SCN2A: variants seen among roughly 807,000 people sequenced by gnomAD.
The protein encoded by SCN2A is sodium channel protein type 2 subunit alpha.
A neutral mutation model predicts 188.7 loss-of-function variants in SCN2A; 20 were observed. The ratio of observed to expected loss-of-function variants is 0.11; its 90% CI spans 0.07 to 0.15. The LOEUF is 0.15. Ranked by LOEUF, SCN2A falls within the 10% of genes least tolerant of loss-of-function variation. The probability of loss-of-function intolerance (pLI) is 1.00; values close to 1 mark genes in which losing one functional copy is unlikely to be tolerated. For missense variants in SCN2A, 1,278 were observed against 2,445.0 expected, an observed-to-expected ratio of 0.52 and a Z score of 10.07; for synonymous variants, 804 against 833.1, an observed-to-expected ratio of 0.97 and a Z score of 0.60.
At chr2:165,290,815 G>C in intron 1 of SCN2A, 1 of 982,542 alleles carries the variant, frequency 1.0e-6, no homozygotes, top group South Asian at 4.7e-5. Flanking sequence ...AGTATACATG[G>C]AAGTTGGTAC....
chr2:165,265,476 T>TAA (rs1694806999), intron 1 of SCN2A, among the ~76,000 whole-genome samples: 1 of 74,890 alleles, frequency 1.3e-5, no homozygotes, highest in Non-Finnish European at 2.6e-5. Flanking sequence ...TTGATCTATA[T>TAA]ATATATATAT....
At chr2:165,297,554 G>A (rs894325480) in intron 3 of SCN2A, among the ~76,000 whole-genome samples, 1 of 152,110 alleles carries the variant, frequency 6.6e-6, no homozygotes, top group Non-Finnish European at 1.5e-5. Flanking sequence ...TTACAATTTT[G>A]TATGTTTTTG....
chr2:165,303,945 A>G (rs895602373), intron 3 of SCN2A, among the ~76,000 whole-genome samples: 1 of 152,144 alleles, frequency 6.6e-6, no homozygotes, highest in Non-Finnish European at 1.5e-5. Flanking sequence ...TTTTTTATAT[A>G]TAACTAAATT....
intron 18 of SCN2A, among the ~76,000 whole-genome samples, chr2:165,365,468 A>G (rs1426777814): frequency 2.6e-5 from 4 of 151,966 alleles, no homozygotes; most frequent in Admixed American, 2.6e-4. Flanking sequence ...GTTTGAAAAA[A>G]AATGCAACTT....
At chr2:165,241,391 T>C (rs2106049523) in intron 1 of SCN2A, among the ~76,000 whole-genome samples, 1 of 152,312 alleles carries the variant, frequency 6.6e-6, no homozygotes, top group East Asian at 1.9e-4. Flanking sequence ...CACATGGCTT[T>C]CCCTCCTACC....
In SCN2A at chr2:165,390,827, G is replaced by C. The variant is rs886055004; in HGVS notation, c.*1003G>C. 2.6e-5 allele frequency: 4 copies of C among 152,492 alleles called. No individual in the cohort carries two copies. The highest frequency in any genetic ancestry group is 5.9e-5 in the Non-Finnish European group (4 of 67,986). The allele number at this position is 152,492 out of a possible 1,614,324, so 9.4% of individuals were successfully genotyped here. ...ATCCCCACCACCACTTTATAAAGTTGATTCTGCTTTATCCTGCAGTATTGT... is the reference window on the plus strand; with the variant it reads ...ATCCCCACCACCACTTTATAAAGTTCATTCTGCTTTATCCTGCAGTATTGT... On this transcript the variant is annotated 3_prime_UTR_variant, in exon 27 of 27. Coordinates refer to ENST00000375437, the MANE Select transcript of SCN2A (RefSeq NM_001040142.2).
chr2:165,249,294 A>C (rs1051305827), intron 1 of SCN2A, among the ~76,000 whole-genome samples: 1 of 152,136 alleles, frequency 6.6e-6, no homozygotes, highest in Non-Finnish European at 1.5e-5. Context: ...AGCTTTCGCT[A>C]TGTAGGTTGC....
At chr2:165,353,999 G>A (rs1281431870) in intron 16 of SCN2A, among the ~76,000 whole-genome samples, 193 bp from the exon 17 acceptor site, 1 of 152,150 alleles carries the variant, frequency 6.6e-6, no homozygotes, top group Non-Finnish European at 1.5e-5. Flanking sequence ...AGCAAATAGT[G>A]ATAATAGTAT....
intron 11 of SCN2A, among the ~76,000 whole-genome samples, chr2:165,316,074 A>G (rs1697730712): frequency 6.6e-6 from 1 of 152,110 alleles, no homozygotes; most frequent in African/African-American, 2.4e-5. Context: ...CTTCTTAACT[A>G]TTGTGCGTGG....
At chr2:165,349,594 T>A (rs1252561950) in intron 16 of SCN2A, among the ~76,000 whole-genome samples, 2 of 152,234 alleles carry the variant, frequency 1.3e-5, no homozygotes, top group Non-Finnish European at 2.9e-5. Flanking sequence ...TAGATTGTGA[T>A]GTATGCATAA....
chr2:165,365,990 T>C (rs1022846528), intron 18 of SCN2A, among the ~76,000 whole-genome samples: 1 of 152,190 alleles, frequency 6.6e-6, no homozygotes, highest in Non-Finnish European at 1.5e-5. Flanking sequence ...TAGTTTTGAC[T>C]CCTATTTCCT....
intron 20 of SCN2A, 134 bp downstream of exon 20, chr2:165,370,433 G>A (rs1700965319): frequency 3.2e-6 from 3 of 927,966 alleles, no homozygotes; most frequent in Non-Finnish European, 5.3e-6. Context: ...ATTTCACAGT[G>A]AGAGGATGCC....
chr2:165,240,623 T>C (rs1479923246), intron 1 of SCN2A, among the ~76,000 whole-genome samples: 1 of 151,522 alleles, frequency 6.6e-6, no homozygotes, highest in Non-Finnish European at 1.5e-5. Flanking sequence ...GTAAGATTGT[T>C]TTTAAATGCC....
chr2:165,280,923 T>G (rs1695557412), intron 1 of SCN2A, among the ~76,000 whole-genome samples: 1 of 152,196 alleles, frequency 6.6e-6, no homozygotes, highest in Admixed American at 6.5e-5. Flanking sequence ...AAATAATTAT[T>G]AATAAGTTTC....
chr2:165,308,604 A>T, intron 4 of SCN2A, 62 bp from the exon 5 acceptor site: 1 of 1,571,104 alleles, frequency 6.4e-7, no homozygotes, highest in Non-Finnish European at 8.7e-7. Context: ...TGTCATCTTT[A>T]AGATATGTAC....
At chr2:165,260,793 C>A (rs899968628) in intron 1 of SCN2A, among the ~76,000 whole-genome samples, 10 of 151,648 alleles carry the variant, frequency 6.6e-5, no homozygotes, top group Non-Finnish European at 1.0e-4. Context: ...ATGAAGAAAC[C>A]CCCCTCTCTA....
At chr2:165,252,820 C>T (rs1450189630) in intron 1 of SCN2A, among the ~76,000 whole-genome samples, 1 of 151,736 alleles carries the variant, frequency 6.6e-6, no homozygotes, top group Non-Finnish European at 1.5e-5. Flanking sequence ...ATGTTCCACT[C>T]TGAGACCAGC....
intron 1 of SCN2A, chr2:165,286,068 C>A (rs578029005): frequency 6.1e-6 from 1 of 162,608 alleles, no homozygotes; most frequent in East Asian, 1.7e-4. Flanking sequence ...CCAGGAGAGC[C>A]TTATCCGAAT....
intron 16 of SCN2A, among the ~76,000 whole-genome samples, chr2:165,350,589 C>T (rs1699851836): frequency 6.8e-6 from 1 of 147,268 alleles, no homozygotes; most frequent in South Asian, 2.2e-4. Flanking sequence ...TCTCCTGCCT[C>T]AGCCTCCCAA....
Sources: allele counts gnomAD v4.1 joint callset (sites outside exome capture counted in the v4.1 genomes callset), GRCh38; gene constraint gnomAD v4.1.1; transcripts MANE v1.5; gene names NCBI Gene and HGNC (gene_info 2026-07-23, HGNC 2026-07-21).